CMPK1: variants seen among roughly 807,000 people sequenced by gnomAD.
CMPK1 encodes the protein cytidine/uridine monophosphate kinase 1.
Under a neutral mutation model 25.7 loss-of-function variants are expected in CMPK1, and 10 were observed. That is an observed-to-expected ratio of 0.39 (90% CI 0.24 to 0.66). The LOEUF (loss-of-function observed/expected upper bound fraction) is 0.66, where lower values mean the gene tolerates loss of function less well. CMPK1 is among the 30% of genes least tolerant of loss of function. The probability of loss-of-function intolerance (pLI) is 0.48; values close to 1 mark genes in which losing one functional copy is unlikely to be tolerated. For synonymous variants in CMPK1, 106 were observed against 101.5 expected, an observed-to-expected ratio of 1.04 and a Z score of -0.27; for missense variants, 199 against 280.5, an observed-to-expected ratio of 0.71 and a Z score of 2.08.
At chr1:47,359,603 G>C (rs548126681) in intron 1 of CMPK1, among the ~76,000 whole-genome samples, 268 of 151,784 alleles carry the variant, frequency 1.8e-3, no homozygotes, top group African/African-American at 6.1e-3. Flanking sequence ...TGGCCAGGCT[G>C]GTGTCGAACT....
chr1:47,357,482 C>T (rs1478586055), intron 1 of CMPK1, among the ~76,000 whole-genome samples: 5 of 145,222 alleles, frequency 3.4e-5, no homozygotes, highest in Non-Finnish European at 4.5e-5. Context: ...TTAATGGATT[C>T]TTTTTTTTTT....
At chr1:47,347,756 G>A (rs1213169445) in intron 1 of CMPK1, among the ~76,000 whole-genome samples, 1 of 152,176 alleles carries the variant, frequency 6.6e-6, no homozygotes, top group African/African-American at 2.4e-5. Flanking sequence ...CTCCCGAGTA[G>A]CTAGGACTAC....
intron 1 of CMPK1, among the ~76,000 whole-genome samples, chr1:47,357,071 C>G (rs1415347800): frequency 6.6e-6 from 1 of 150,702 alleles, no homozygotes; most frequent in East Asian, 2.0e-4. Context: ...TCACGCCATT[C>G]TCCTGCCTCA....
chr1:47,336,731 G>A (rs1387937291), intron 1 of CMPK1, among the ~76,000 whole-genome samples: 1 of 152,066 alleles, frequency 6.6e-6, no homozygotes, highest in African/African-American at 2.4e-5. Context: ...TCACTATATT[G>A]CCCAGGCTGG....
chr1:47,336,035 A>G lies in CMPK1; in HGVS notation c.171+1919A>G, dbSNP rs145843155. Among the ~76,000 whole-genome samples, 439 of 152,270 alleles carry G rather than the reference A, an allele frequency of 2.9e-3. 2 individuals are homozygous for G. Among genetic ancestry groups the G allele is most frequent in the African/African-American group, 1.0e-2 (414 of 41,552 alleles). On this transcript the variant is annotated intron_variant, in intron 1 of 5. Coordinates refer to ENST00000371873, the MANE Select transcript of CMPK1 (RefSeq NM_016308.3). ...CTCAGCCTCCCAAAGTGCTGGGATTATAGGCATGAGCCACCGTGCCTGGCC... is the reference window on the plus strand; with the variant it reads ...CTCAGCCTCCCAAAGTGCTGGGATTGTAGGCATGAGCCACCGTGCCTGGCC...
intron 1 of CMPK1, among the ~76,000 whole-genome samples, chr1:47,351,319 T>C (rs1050582771): frequency 3.9e-5 from 6 of 152,216 alleles, no homozygotes; most frequent in Non-Finnish European, 7.3e-5. Context: ...GACCTTGTGA[T>C]CCACCTGCCT....
At chr1:47,340,035 T>C (rs139502617) in intron 1 of CMPK1, among the ~76,000 whole-genome samples, 9 of 111,356 alleles carry the variant, frequency 8.1e-5, no homozygotes, top group African/African-American at 1.7e-4. Context: ...CCCCTTCCCT[T>C]CCCTCCCCTC....
At chr1:47,367,327 T>C (rs566684339) in intron 1 of CMPK1, among the ~76,000 whole-genome samples, 60 of 152,324 alleles carry the variant, frequency 3.9e-4, no homozygotes, top group Admixed American at 1.5e-3. Context: ...CGTTAACTTA[T>C]TATTTAGTAA....
At chr1:47,363,893 G>A (rs1310918449) in intron 1 of CMPK1, among the ~76,000 whole-genome samples, 1 of 151,762 alleles carries the variant, frequency 6.6e-6, no homozygotes, top group Non-Finnish European at 1.5e-5. Context: ...CAGTGAGCCA[G>A]GATTGCGCCA....
At chr1:47,361,933 C>G (rs1192617602) in intron 1 of CMPK1, among the ~76,000 whole-genome samples, 1 of 147,082 alleles carries the variant, frequency 6.8e-6, no homozygotes, top group African/African-American at 2.6e-5. Context: ...TGCAATGGCG[C>G]GATCTTGGCT....
intron 1 of CMPK1, among the ~76,000 whole-genome samples, chr1:47,368,149 A>G (rs1017113945): frequency 1.3e-5 from 2 of 151,974 alleles, no homozygotes; most frequent in Non-Finnish European, 2.9e-5. Flanking sequence ...GGGTTTCACC[A>G]TGTTCAGGCT....
chr1:47,371,015 A>C (rs1646674943), intron 2 of CMPK1, among the ~76,000 whole-genome samples: 1 of 152,192 alleles, frequency 6.6e-6, no homozygotes, highest in Non-Finnish European at 1.5e-5. Flanking sequence ...CCCTGTATTT[A>C]CTAGGTAACT....
intron 1 of CMPK1, among the ~76,000 whole-genome samples, chr1:47,346,814 C>T (rs747857218): frequency 9.9e-5 from 13 of 131,230 alleles, no homozygotes; most frequent in Non-Finnish European, 1.6e-4. Flanking sequence ...GTTTGTTTGC[C>T]TTCCTCTCCC....
intron 1 of CMPK1, among the ~76,000 whole-genome samples, chr1:47,343,785 G>T (rs2149325947): frequency 6.6e-6 from 1 of 152,048 alleles, no homozygotes; most frequent in African/African-American, 2.4e-5. Context: ...TACTCAGGAG[G>T]CTGAGGCAGG....
At chr1:47,349,832 G>T (rs1460240958) in intron 1 of CMPK1, among the ~76,000 whole-genome samples, 6 of 152,060 alleles carry the variant, frequency 3.9e-5, no homozygotes, top group Non-Finnish European at 7.4e-5. Flanking sequence ...TTGAGACAGG[G>T]TCTCGCTCTG....
chr1:47,373,328 CAAG>C, intron 3 of CMPK1: 1 of 345,646 alleles, frequency 2.9e-6, no homozygotes, highest in East Asian at 4.5e-5. Flanking sequence ...TTCAAAATAA[CAAG>C]AATCAGTTTT....
rs1247016889 is a variant in CMPK1, at chr1:47,377,391, G to A, written c.*646G>A. The A allele has an allele frequency of 6.6e-6, 1 of 152,236 alleles. No homozygotes were observed. The highest frequency in any genetic ancestry group is 1.5e-5 in the Non-Finnish European group (1 of 68,074). 9.4% of individuals were successfully genotyped at this position (152,236 alleles called of 1,614,324 possible). ...TGGGGGCACTAGGGGTTCAGAGCCT[G>A]GCAGAATTGTCAGCTTTAGTCTGAC... On this transcript the variant is annotated 3_prime_UTR_variant, in exon 6 of 6. Transcript: ENST00000371873.
At chr1:47,372,752 C>A (rs1646684947) in intron 2 of CMPK1, among the ~76,000 whole-genome samples, 1 of 152,006 alleles carries the variant, frequency 6.6e-6, no homozygotes, top group Non-Finnish European at 1.5e-5. Context: ...CTTGAGGCAA[C>A]CATCTTAATA....
intron 1 of CMPK1, among the ~76,000 whole-genome samples, chr1:47,353,325 G>C (rs1248800989): frequency 1.3e-5 from 2 of 152,096 alleles, no homozygotes; most frequent in African/African-American, 2.4e-5. Flanking sequence ...TCTGTTTCTA[G>C]GCTATAAAAC....
Sources: gnomAD v4.1 joint callset for allele counts (sites outside exome capture counted in the v4.1 genomes callset) on GRCh38, gnomAD v4.1.1 for gene constraint, MANE v1.5 for transcripts, NCBI Gene and HGNC (gene_info 2026-07-23, HGNC 2026-07-21) for gene names.